Variants in MED27 observed in about 807,000 individuals in gnomAD.
MED27 encodes the protein mediator of RNA polymerase II transcription subunit 27.
A neutral mutation model predicts 38.2 loss-of-function variants in MED27; 30 were observed. That is an observed-to-expected ratio of 0.79 (90% CI 0.59 to 1.07). MED27 has a LOEUF of 1.07. Among genes scored for constraint, MED27 ranks in the 50% least tolerant of loss-of-function variants. The probability of loss-of-function intolerance (pLI) is 0.00; values close to 1 mark genes in which losing one functional copy is unlikely to be tolerated. For missense variants in MED27, 289 were observed against 397.5 expected, an observed-to-expected ratio of 0.73 and a Z score of 2.32; for synonymous variants, 122 against 153.5, an observed-to-expected ratio of 0.79 and a Z score of 1.52.
intron 2 of MED27, among the ~76,000 whole-genome samples, chr9:132,023,454 C>T (rs527654130): frequency 8.5e-5 from 13 of 152,284 alleles, no homozygotes; most frequent in Admixed American, 5.9e-4. Context: ...AGTTTCTATG[C>T]GCCTCCTAGT....
At chr9:132,045,531 T>C (rs931033686) in intron 2 of MED27, among the ~76,000 whole-genome samples, 9 of 151,900 alleles carry the variant, frequency 5.9e-5, no homozygotes, top group Non-Finnish European at 1.0e-4. Context: ...TATATTTGAG[T>C]GGTAAAGGGA....
At chr9:131,966,374 ACCCTGTC>A (rs1434353708) in intron 3 of MED27, among the ~76,000 whole-genome samples, 71 of 137,386 alleles carry the variant, frequency 5.2e-4, no homozygotes, top group Non-Finnish European at 7.5e-4. Context: ...AAAGAGCCAG[ACCCTGTC>A]ACAAAAAAAA....
chr9:131,874,268 C>T (rs1838888534), intron 6 of MED27, among the ~76,000 whole-genome samples: 1 of 152,184 alleles, frequency 6.6e-6, no homozygotes. Context: ...CTTCCCCATC[C>T]CAGCCTTGCC....
At chr9:131,937,638 T>G (rs1830707714) in intron 4 of MED27, among the ~76,000 whole-genome samples, 1 of 152,172 alleles carries the variant, frequency 6.6e-6, no homozygotes, top group Non-Finnish European at 1.5e-5. Flanking sequence ...AATCCCACCC[T>G]CATTATGAAA....
At position 131,872,117 on chromosome 9, in the gene MED27, G is replaced by C. The variant is rs993920593; in HGVS notation, c.724-8977C>G. On this transcript the variant is annotated intron_variant, in intron 6 of 7. Transcript: ENST00000292035. The surrounding 1 kb of genome is among the most constrained non-coding windows in gnomAD (Gnocchi z 5.6). ...GCTGACTGCTGGGAACCGCCTTCCA[G>C]CTCCTGGCTGGTGGACCAGGCTGGG... is the stretch of plus-strand genomic sequence containing the variant. Among the ~76,000 whole-genome samples, 1 of 151,104 alleles carries C rather than the reference G, an allele frequency of 6.6e-6. No individual in the cohort carries two copies. Among genetic ancestry groups the C allele is most frequent in the African/African-American group, 2.5e-5 (1 of 40,438 alleles).
At position 132,079,764 on chromosome 9, in the gene MED27, G is replaced by A. The variant is rs1589310062; in HGVS notation, c.81C>T (p.Ser27=). ...AISAIQALRS[S]VSRVFDCLKD... is the part of the protein sequence containing the mutation. ...TCAGGCAGTCGAACACCCTGCTCAC[G>A]CTGGAGCGCAGCGCCTGGATGGCAC... The change falls in exon 1 of 8, where the codon AGC becomes AGT. Residue 27 remains serine, a synonymous_variant. Transcript: ENST00000292035. 2 of 1,614,136 alleles carry A rather than the reference G, an allele frequency of 1.2e-6. No homozygotes were observed. Among genetic ancestry groups the A allele is most frequent in the East Asian group, 2.2e-5 (1 of 44,864 alleles).
At chr9:132,079,464 A>AG (rs1216641133) in intron 1 of MED27, among the ~76,000 whole-genome samples, 178 bp downstream of exon 1, 2 of 152,152 alleles carry the variant, frequency 1.3e-5, no homozygotes, top group Non-Finnish European at 2.9e-5. Flanking sequence ...AAGACGAGAA[A>AG]GCGGGGATGG....
chr9:131,988,480 C>G (rs951232143), intron 3 of MED27, among the ~76,000 whole-genome samples: 15 of 152,212 alleles, frequency 9.9e-5, no homozygotes, highest in African/African-American at 3.6e-4. Flanking sequence ...CGGATGAAGG[C>G]TTTTATGAGG....
At chr9:132,010,115 G>A (rs950015094) in intron 3 of MED27, among the ~76,000 whole-genome samples, 3 of 152,172 alleles carry the variant, frequency 2.0e-5, no homozygotes, top group Non-Finnish European at 2.9e-5. Flanking sequence ...ATTGCTTCTG[G>A]TGTTTTAGAC....
intron 2 of MED27, among the ~76,000 whole-genome samples, chr9:132,039,691 C>T (rs992912714): frequency 3.9e-5 from 6 of 152,146 alleles, no homozygotes; most frequent in East Asian, 1.9e-4. Context: ...GTCCCAAGGA[C>T]GAGTGGAAGA....
intron 2 of MED27, among the ~76,000 whole-genome samples, chr9:132,070,555 T>G (rs1209003654): frequency 6.6e-6 from 1 of 152,084 alleles, no homozygotes; most frequent in East Asian, 1.9e-4. Context: ...AGACCCTGTC[T>G]CAAAAAAAGG....
chr9:131,927,191 C>T (rs1411326116), intron 4 of MED27, among the ~76,000 whole-genome samples: 2 of 152,184 alleles, frequency 1.3e-5, no homozygotes, highest in Non-Finnish European at 2.9e-5. Context: ...TATTAATTTA[C>T]ACAATACCAA....
At chr9:132,052,045 A>G (rs1399778460) in intron 2 of MED27, among the ~76,000 whole-genome samples, 3 of 152,206 alleles carry the variant, frequency 2.0e-5, no homozygotes, top group Admixed American at 1.3e-4. Context: ...ATCCAGCCCA[A>G]GCATGAGATT....
intron 3 of MED27, among the ~76,000 whole-genome samples, chr9:131,986,564 T>C (rs1749489771): frequency 6.6e-6 from 1 of 152,184 alleles, no homozygotes; most frequent in African/African-American, 2.4e-5. Flanking sequence ...ATACTTACCA[T>C]TGTCTTACAC....
rs560183235 is a variant in MED27, at chr9:131,937,107, C to T, written c.573+2274G>A. Among the ~76,000 whole-genome samples, 3 of 152,290 alleles carry T rather than the reference C, an allele frequency of 2.0e-5. 1 individual carries two copies. In the South Asian group the frequency reaches 6.2e-4, roughly 32 times the overall value. ...AGTGGGGGAGGTGGCATCTGTTGGT[C>T]CTGCTCCCCCTCCAGGTAGGAATTC... On this transcript the variant is annotated intron_variant, in intron 4 of 7. Coordinates refer to ENST00000292035, the MANE Select transcript of MED27 (RefSeq NM_004269.4).
chr9:131,910,829 C>T (rs1476751701), intron 4 of MED27, among the ~76,000 whole-genome samples: 2 of 152,192 alleles, frequency 1.3e-5, no homozygotes, highest in African/African-American at 2.4e-5. Context: ...GTCCTCCCCT[C>T]CTGGACTGGT....
At chr9:131,993,255 G>GT (rs1388802726) in intron 3 of MED27, among the ~76,000 whole-genome samples, 2 of 151,218 alleles carry the variant, frequency 1.3e-5, no homozygotes, top group Admixed American at 6.6e-5. Context: ...AAAAATTCAA[G>GT]TTTTTCCTTA....
chr9:131,918,275 A>C (rs1285022776), intron 4 of MED27, among the ~76,000 whole-genome samples: 2 of 152,200 alleles, frequency 1.3e-5, no homozygotes, highest in African/African-American at 2.4e-5. Flanking sequence ...AAAAAGGGGG[A>C]CAATCTAGAT....
At chr9:131,923,861 C>T (rs1221296047) in intron 4 of MED27, among the ~76,000 whole-genome samples, 2 of 152,086 alleles carry the variant, frequency 1.3e-5, no homozygotes, top group African/African-American at 2.4e-5. Flanking sequence ...AAAAAGTAAG[C>T]GTATTAAGGA....
Sources: gnomAD v4.1 joint callset for allele counts (sites outside exome capture counted in the v4.1 genomes callset) on GRCh38, gnomAD v4.1.1 for gene constraint, Gnocchi (gnomAD v3.1) non-coding constraint, MANE v1.5 for transcripts, NCBI Gene and HGNC (gene_info 2026-07-23, HGNC 2026-07-21) for gene names.